LHFPL3: variants seen among roughly 807,000 people sequenced by gnomAD.
The protein encoded by LHFPL3 is LHFPL tetraspan subfamily member 3 protein.
LHFPL3 carries 5 observed loss-of-function variants against 19.3 expected under a neutral mutation model. That is an observed-to-expected ratio of 0.26 (90% CI 0.14 to 0.54). LHFPL3 has a LOEUF of 0.54. Among genes scored for constraint, LHFPL3 ranks in the 20% least tolerant of loss-of-function variants. The probability of loss-of-function intolerance (pLI) is 0.94; values close to 1 mark genes in which losing one functional copy is unlikely to be tolerated. For synonymous variants in LHFPL3, 133 were observed against 126.2 expected (o/e 1.05, Z -0.36); for missense variants, 249 against 307.4 (o/e 0.81, Z 1.42).
intron 2 of LHFPL3, among the ~76,000 whole-genome samples, chr7:104,814,722 C>T (rs748318345): frequency 2.0e-5 from 3 of 152,234 alleles, no homozygotes; most frequent in South Asian, 2.1e-4. Flanking sequence ...TCCTCCTATG[C>T]TCGTCAGTGC....
At chr7:104,389,470 C>T (rs183201270) in intron 1 of LHFPL3, among the ~76,000 whole-genome samples, 19 of 152,174 alleles carry the variant, frequency 1.2e-4, no homozygotes, top group Admixed American at 2.6e-4. Flanking sequence ...CAATGCAACC[C>T]CTATCCAAAC....
chr7:104,889,571 C>G (rs1403615611), intron 2 of LHFPL3, among the ~76,000 whole-genome samples: 1 of 152,132 alleles, frequency 6.6e-6, no homozygotes, highest in Non-Finnish European at 1.5e-5. Context: ...ACCTGGGAGG[C>G]AGAGGTTGCA....
intron 1 of LHFPL3, among the ~76,000 whole-genome samples, chr7:104,469,362 A>G (rs1017891254): frequency 6.6e-6 from 1 of 152,212 alleles, no homozygotes; most frequent in Non-Finnish European, 1.5e-5. Flanking sequence ...GTTTTACAGC[A>G]TTATACAGTG....
intron 1 of LHFPL3, among the ~76,000 whole-genome samples, chr7:104,450,188 G>A (rs979194924): frequency 3.9e-5 from 6 of 152,206 alleles, no homozygotes; most frequent in East Asian, 3.9e-4. Flanking sequence ...AGACTAGGAA[G>A]AGGAGGGGAG....
At chr7:104,638,403 C>T (rs1417689932) in intron 1 of LHFPL3, among the ~76,000 whole-genome samples, 1 of 151,804 alleles carries the variant, frequency 6.6e-6, no homozygotes, top group African/African-American at 2.4e-5. Flanking sequence ...CCTGATTGCT[C>T]TGGCCAGGAC....
intron 1 of LHFPL3, among the ~76,000 whole-genome samples, chr7:104,720,525 A>C (rs964137407): frequency 6.6e-6 from 1 of 152,118 alleles, no homozygotes; most frequent in African/African-American, 2.4e-5. Flanking sequence ...GGCAACAAAA[A>C]CCGAAATTGA....
chr7:104,375,113 C>T (rs1041883204), intron 1 of LHFPL3, among the ~76,000 whole-genome samples: 13 of 152,132 alleles, frequency 8.5e-5, no homozygotes, highest in African/African-American at 1.9e-4. Context: ...CCAAGGCGGG[C>T]GGATCACTTG....
chr7:104,339,165 T>A (rs951421303), intron 1 of LHFPL3, among the ~76,000 whole-genome samples: 1 of 152,122 alleles, frequency 6.6e-6, no homozygotes, highest in African/African-American at 2.4e-5. Context: ...GGAGAATCAC[T>A]TGAACCCAGG....
At chr7:104,384,738 G>C (rs1790899901) in intron 1 of LHFPL3, among the ~76,000 whole-genome samples, 1 of 138,264 alleles carries the variant, frequency 7.2e-6, no homozygotes, top group Non-Finnish European at 1.5e-5. Context: ...CGTGAGCCAA[G>C]ATCGTGCCAC....
chr7:104,492,704 T>A (rs1793381779), intron 1 of LHFPL3, among the ~76,000 whole-genome samples: 1 of 152,276 alleles, frequency 6.6e-6, no homozygotes, highest in Admixed American at 6.5e-5. Context: ...TTCACTAATT[T>A]AAAGGACATT....
At chr7:104,343,444 TGGA>T (rs1459366118) in intron 1 of LHFPL3, among the ~76,000 whole-genome samples, 2 of 127,890 alleles carry the variant, frequency 1.6e-5, no homozygotes, top group African/African-American at 3.0e-5. Context: ...ACCCGGGAGG[TGGA>T]GGTTGCGGTG....
chr7:104,904,252 A>G (rs1042929397), intron 2 of LHFPL3, among the ~76,000 whole-genome samples: 12 of 152,164 alleles, frequency 7.9e-5, no homozygotes, highest in Admixed American at 7.2e-4. Context: ...AAGTGTGTTG[A>G]AAAACAAGGG....
chr7:104,369,920 ATGTAATT>A (rs1351472930), intron 1 of LHFPL3, among the ~76,000 whole-genome samples: 7 of 152,230 alleles, frequency 4.6e-5, no homozygotes, highest in Admixed American at 1.3e-4. Context: ...TTTATGAAAG[ATGTAATT>A]TGCAAATGTT....
At chr7:104,589,030 C>A (rs939867788) in intron 1 of LHFPL3, among the ~76,000 whole-genome samples, 3 of 152,160 alleles carry the variant, frequency 2.0e-5, no homozygotes, top group Non-Finnish European at 4.4e-5. Flanking sequence ...ATGGGGTTTT[C>A]TAAGTATACA....
At chr7:104,848,513 T>A (rs1345252920) in intron 2 of LHFPL3, among the ~76,000 whole-genome samples, 2 of 152,098 alleles carry the variant, frequency 1.3e-5, no homozygotes, top group Non-Finnish European at 2.9e-5. Context: ...AGCTTGGAGT[T>A]GGGGGTGGGT....
intron 1 of LHFPL3, among the ~76,000 whole-genome samples, chr7:104,580,830 A>AT (rs938622308): frequency 2.0e-5 from 3 of 151,930 alleles, no homozygotes; most frequent in South Asian, 2.1e-4. Context: ...ACTCAGCATA[A>AT]TTTTTTTAGA....
chr7:104,756,743 A>C (rs888718543), intron 2 of LHFPL3, among the ~76,000 whole-genome samples: 4 of 152,034 alleles, frequency 2.6e-5, no homozygotes, highest in African/African-American at 9.7e-5. Flanking sequence ...CAATTGATCC[A>C]CCCACTTCGG....
At chr7:104,440,542 A>G (rs910954027) in intron 1 of LHFPL3, among the ~76,000 whole-genome samples, 1 of 152,124 alleles carries the variant, frequency 6.6e-6, no homozygotes, top group Non-Finnish European at 1.5e-5. Flanking sequence ...GTGCACATGT[A>G]CCCTAGAACT....
intron 1 of LHFPL3, among the ~76,000 whole-genome samples, chr7:104,724,806 A>G (rs1333582394): frequency 6.6e-6 from 1 of 152,160 alleles, no homozygotes; most frequent in Non-Finnish European, 1.5e-5. Context: ...AAAGGCTGAC[A>G]AGAAGTGGAT....
Sources: allele counts gnomAD v4.1 joint callset (sites outside exome capture counted in the v4.1 genomes callset), GRCh38; gene constraint gnomAD v4.1.1; transcripts MANE v1.5; gene names NCBI Gene and HGNC (gene_info 2026-07-23, HGNC 2026-07-21).